KHK: variants seen among roughly 807,000 people sequenced by gnomAD.
The protein encoded by KHK is fructokinase.
Under a neutral mutation model 36.0 loss-of-function variants are expected in KHK, and 37 were observed. That is an observed-to-expected ratio of 1.03 (90% CI 0.79 to 1.35). The LOEUF (loss-of-function observed/expected upper bound fraction) is 1.35, where lower values mean the gene tolerates loss of function less well. Ranked by LOEUF, KHK falls within the 40% of genes most tolerant of loss-of-function variation. KHK has a pLI of 0.00. For synonymous variants in KHK, 161 were observed against 162.8 expected (o/e 0.99, Z 0.08); for missense variants, 395 against 391.9 (o/e 1.01, Z -0.07).
chr2:27,086,936 C>T lies in KHK; in HGVS notation c.-324C>T, dbSNP rs114973335. ...AGGTTTGCATCAGCTGTGAGTCCATCTGACAAGCGAGGAAACTAAGGCTGA... is the reference window on the plus strand; with the variant it reads ...AGGTTTGCATCAGCTGTGAGTCCATTTGACAAGCGAGGAAACTAAGGCTGA... On this transcript the variant is annotated 5_prime_UTR_variant, in exon 1 of 8. Coordinates refer to ENST00000260598, the MANE Select transcript of KHK (RefSeq NM_006488.3). 5,800 of 294,988 alleles carry T rather than the reference C, an allele frequency of 0.02. 334 individuals carry two copies. Among genetic ancestry groups the T allele is most frequent in the African/African-American group, 0.12 (5,368 of 46,520 alleles). 18.3% of individuals were successfully genotyped at this position (294,988 alleles called of 1,614,324 possible). A position where few individuals can be genotyped will look rare whatever the true frequency, so the allele number is the denominator to read the frequency against.
At chr2:27,098,852 C>A in intron 5 of KHK, 1 of 290,388 alleles carries the variant, frequency 3.4e-6, no homozygotes, top group East Asian at 8.0e-5. Context: ...CGGACCAGGC[C>A]TTTTGTTTTA....
intron 2 of KHK, chr2:27,094,390 A>G: frequency 3.9e-6 from 6 of 1,535,482 alleles, no homozygotes; most frequent in Non-Finnish European, 5.4e-6. Flanking sequence ...CCTGCCTTTC[A>G]GGGTCCCTAG....
chr2:27,099,239 C>A lies in KHK; in HGVS notation c.608C>A (p.Ser203Ter). 6.2e-7 allele frequency: 1 copy of A among 1,614,138 alleles called. No homozygotes were observed. Among genetic ancestry groups the A allele is most frequent in the South Asian group, 1.1e-5 (1 of 91,048 alleles). Residue 203 changes from serine (S) to a stop codon, truncating the protein, a stop_gained, in exon 6 of 8, where the codon TCA becomes TAA. Coordinates refer to ENST00000260598, the MANE Select transcript of KHK (RefSeq NM_006488.3). LOFTEE classifies it high-confidence loss of function. ...GTGGCCAAGCACTTGGGGTTCCAGTCAGCAGAGGAAGCCTTGAGGGGCTTG... is the reference window on the plus strand; with the variant it reads ...GTGGCCAAGCACTTGGGGTTCCAGTAAGCAGAGGAAGCCTTGAGGGGCTTG... ...KDVAKHLGFQ[S>*]AEEALRGLYG...
At position 27,092,614 on chromosome 2, in the gene KHK, G is replaced by A. The variant is rs574364844; in HGVS notation, c.209+166G>A. 1.5e-3 allele frequency among the ~76,000 whole-genome samples: 236 copies of A among 152,340 alleles called. 1 individual carries two copies. Among genetic ancestry groups the A allele is most frequent in the Non-Finnish European group, 2.7e-3 (184 of 68,028 alleles). On this transcript the variant is annotated intron_variant, in intron 2 of 7. Coordinates refer to ENST00000260598, the MANE Select transcript of KHK (RefSeq NM_006488.3). Reference sequence around the variant, plus strand: ...ACCAGACGCCCAGCCCTGCCTTGGCGTGGCCTCTCTGCGGTTCGGGGGCTG... The same window carrying A: ...ACCAGACGCCCAGCCCTGCCTTGGCATGGCCTCTCTGCGGTTCGGGGGCTG...
At position 27,086,789 on chromosome 2, in the gene KHK, C is replaced by CGAGGCCCAGCTGT. The variant is rs912297412; in HGVS notation, c.-470_-458dup. The CGAGGCCCAGCTGT allele has an allele frequency of 6.5e-6, 1 of 152,888 alleles. No individual in the cohort carries two copies. Among genetic ancestry groups the CGAGGCCCAGCTGT allele is most frequent in the African/African-American group, 2.4e-5 (1 of 41,464 alleles). 9.5% of individuals were successfully genotyped at this position (152,888 alleles called of 1,614,324 possible). On this transcript the variant is annotated 5_prime_UTR_variant, in exon 1 of 8. The change abolishes the stop of an existing upstream ORF in the 5' untranslated region. Coordinates refer to ENST00000260598, the MANE Select transcript of KHK (RefSeq NM_006488.3). ...CGGGCTTCAGGCAGGGCTGCAGATG[C>CGAGGCCCAGCTGT]GAGGCCCAGCTGTACCTCGCGTGTC...
chr2:27,099,324 G>C (rs1360947457), intron 6 of KHK, 40 bp downstream of exon 6: 3 of 1,613,492 alleles, frequency 1.9e-6, no homozygotes, highest in Non-Finnish European at 1.7e-6. Flanking sequence ...AGAAGGTACA[G>C]GATGAGCCTG....
intron 4 of KHK, among the ~76,000 whole-genome samples, 193 bp from the exon 5 acceptor site, chr2:27,097,310 T>C (rs1401148100): frequency 1.3e-5 from 2 of 152,140 alleles, no homozygotes; most frequent in African/African-American, 4.8e-5. Flanking sequence ...TTCTCATCTG[T>C]GGAATGGAGT....
rs1359714770 is a variant in KHK at position 27,097,539 on chromosome 2, C to T, written c.454C>T (p.Arg152Trp). The change falls in exon 5 of 8, where the codon CGG (arginine) becomes TGG (tryptophan). Residue 152 changes from arginine (R) to tryptophan (W), a missense_variant. Physicochemically the swap from Arg to Trp is moderately radical, Grantham distance 101 (BLOSUM62 -3). Coordinates refer to ENST00000260598, the MANE Select transcript of KHK (RefSeq NM_006488.3). Reference protein sequence around the residue: ...NASEQVKMLQRIDAHNTRQPP... With the variant: ...NASEQVKMLQWIDAHNTRQPP... ...ATCGGAGCAGGTGAAGATGCTGCAG[C>T]GGATAGACGCACACAACACCAGGCA... 6.2e-6 allele frequency: 10 copies of T among 1,613,762 alleles called. No individual in the cohort carries two copies. The Admixed American group carries it at 1.0e-4, about 16-fold the overall frequency.
chr2:27,099,401 G>C lies in KHK; in HGVS notation c.654-19G>C. ...GGACGGGGTGGGCTAACACCCAGCT[G>C]AGTGGAGCCGTCTTGCAGGGCTGTG... On this transcript the variant is annotated intron_variant, in intron 6 of 7. Transcript: ENST00000260598. The C allele has an allele frequency of 6.2e-7, 1 of 1,612,818 alleles. No individual in the cohort carries two copies. The highest frequency in any genetic ancestry group is 8.5e-7 in the Non-Finnish European group (1 of 1,178,970).
chr2:27,087,238 A>G lies in KHK; in HGVS notation c.-22A>G, dbSNP rs1431531386. The G allele has an allele frequency of 6.4e-7, 1 of 1,566,478 alleles. No homozygotes were observed. Reference sequence around the variant, plus strand: ...GAGGAACCCCGTCAGCCGGGCGGGCAGGAAGCTCTGGGAGTAGCCTCATGG... The same window carrying G: ...GAGGAACCCCGTCAGCCGGGCGGGCGGGAAGCTCTGGGAGTAGCCTCATGG... On this transcript the variant is annotated 5_prime_UTR_variant, in exon 1 of 8. Coordinates refer to ENST00000260598, the MANE Select transcript of KHK (RefSeq NM_006488.3).
intron 1 of KHK, among the ~76,000 whole-genome samples, chr2:27,091,500 G>C (rs915233454): frequency 1.3e-5 from 2 of 151,966 alleles, no homozygotes; most frequent in Admixed American, 1.3e-4. Flanking sequence ...CTCTTAATTC[G>C]TGGTTCTTTG....
intron 2 of KHK, chr2:27,094,180 G>A (rs1478104825): frequency 2.1e-6 from 1 of 474,336 alleles, no homozygotes; most frequent in East Asian, 4.3e-5. Context: ...TTATGAACAG[G>A]AGCAAATCCT....
Position 27,099,516 on chromosome 2 carries a change from G to A in KHK, c.750G>A (p.Val250=), listed in dbSNP as rs1670653362. The change falls in exon 7 of 8, where the codon GTG becomes GTA. Residue 250 remains valine, a synonymous_variant. Transcript: ENST00000260598. ...CGGATGCTTTCCCGCCACCCCGCGT[G>A]GTGGATACACTGGGAGCTGGAGACA... The part of the protein sequence containing the change: ...LHSDAFPPPR[V]VDTLGAGDTF... The A allele has an allele frequency of 6.2e-7, 1 of 1,614,154 alleles. No homozygotes were observed. The highest frequency in any genetic ancestry group is 2.2e-5 in the East Asian group (1 of 44,888).
At chr2:27,092,278 CTG>C (rs1489914722) in intron 1 of KHK, 52 bp from the exon 2 acceptor site, 4 of 1,355,976 alleles carry the variant, frequency 2.9e-6, no homozygotes, top group Admixed American at 1.7e-5. Flanking sequence ...ATACAGGAGA[CTG>C]TGCTTGGGAT....
intron 3 of KHK, among the ~76,000 whole-genome samples, chr2:27,095,942 A>G (rs1435562097): frequency 6.6e-6 from 1 of 152,236 alleles, no homozygotes; most frequent in African/African-American, 2.4e-5. Flanking sequence ...CTGAGGAGAA[A>G]TGTTTCTTGC....
chr2:27,096,096 G>T (rs1160086312), intron 3 of KHK, among the ~76,000 whole-genome samples: 1 of 152,228 alleles, frequency 6.6e-6, no homozygotes, highest in Non-Finnish European at 1.5e-5. Context: ...TAGTTAAGTG[G>T]AAGGACTCGG....
At chr2:27,096,581 G>A in intron 3 of KHK, 148 bp from the exon 4 acceptor site, 2 of 737,202 alleles carry the variant, frequency 2.7e-6, no homozygotes, top group Middle Eastern at 3.6e-4. Context: ...CCCTGGAGCT[G>A]AGCCTGAGAA....
intron 2 of KHK, chr2:27,094,264 C>T: frequency 3.1e-6 from 2 of 639,198 alleles, no homozygotes; most frequent in Non-Finnish European, 5.7e-6. Flanking sequence ...AAGGATGGCC[C>T]TTAGTGTTTC....
intron 1 of KHK, among the ~76,000 whole-genome samples, chr2:27,090,418 C>T (rs370500973): frequency 2.0e-5 from 3 of 150,462 alleles, no homozygotes; most frequent in Admixed American, 1.3e-4. Flanking sequence ...AGCTGTAAAG[C>T]TCAGCTTGAA....
Sources: allele counts gnomAD v4.1 joint callset (sites outside exome capture counted in the v4.1 genomes callset), GRCh38; gene constraint gnomAD v4.1.1; transcripts MANE v1.5; gene names NCBI Gene and HGNC (gene_info 2026-07-23, HGNC 2026-07-21).